Variants in STRN3 observed in about 807,000 individuals in gnomAD.
STRN3 encodes the protein striatin-3.
Under a neutral mutation model 95.6 loss-of-function variants are expected in STRN3, and 29 were observed. The ratio of observed to expected loss-of-function variants is 0.30; its 90% CI spans 0.23 to 0.41. The LOEUF (loss-of-function observed/expected upper bound fraction) is 0.41. Among genes scored for constraint, STRN3 ranks in the 10% least tolerant of loss-of-function variants. The probability of loss-of-function intolerance (pLI) is 1.00; values close to 1 mark genes in which losing one functional copy is unlikely to be tolerated. For synonymous variants in STRN3, 331 were observed against 357.6 expected, an observed-to-expected ratio of 0.93 and a Z score of 0.84; for missense variants, 890 against 972.1, an observed-to-expected ratio of 0.92 and a Z score of 1.12.
chr14:31,018,009 C>T (rs1883322255), intron 1 of STRN3, among the ~76,000 whole-genome samples: 2 of 148,974 alleles, frequency 1.3e-5, no homozygotes, highest in South Asian at 4.2e-4. Context: ...ACCTGGGAGG[C>T]GGAGGTTACA....
At chr14:30,972,549 C>T (rs550943438) in intron 1 of STRN3, among the ~76,000 whole-genome samples, 11 of 151,992 alleles carry the variant, frequency 7.2e-5, no homozygotes, top group South Asian at 2.1e-4. Context: ...TTTTGCGGCA[C>T]GGAAACTTTA....
chr14:30,931,370 A>C (rs1342422483), intron 7 of STRN3, among the ~76,000 whole-genome samples: 3 of 152,188 alleles, frequency 2.0e-5, no homozygotes, highest in East Asian at 3.8e-4. Flanking sequence ...ACGTTGAATC[A>C]TTTACAGTAA....
chr14:30,942,396 A>T (rs577036862), intron 5 of STRN3, among the ~76,000 whole-genome samples: 1 of 152,208 alleles, frequency 6.6e-6, no homozygotes, highest in Non-Finnish European at 1.5e-5. Flanking sequence ...CTCATTCTAA[A>T]GAGACAACAG....
At chr14:31,011,629 C>T (rs550204761) in intron 1 of STRN3, among the ~76,000 whole-genome samples, 130 of 152,072 alleles carry the variant, frequency 8.5e-4, no homozygotes, top group Middle Eastern at 6.8e-3. Flanking sequence ...GGCGACAGAG[C>T]GAGACTGTGT....
chr14:30,974,556 T>C (rs1880991134), intron 1 of STRN3, among the ~76,000 whole-genome samples: 1 of 132,658 alleles, frequency 7.5e-6, no homozygotes, highest in Admixed American at 7.9e-5. Context: ...AACAGAAAAA[T>C]CCATCATAAA....
chr14:30,981,297 G>C lies in STRN3; in HGVS notation c.283-25055C>G, dbSNP rs1881386394. The stretch of plus-strand genomic sequence containing the variant: ...CCACTGCACTCCAGCCTGGGCAACA[G>C]AACAAGACCCCATCTCTCAAAATAA... On this transcript the variant is annotated intron_variant, in intron 1 of 17. Coordinates refer to ENST00000357479, the MANE Select transcript of STRN3 (RefSeq NM_001083893.2). Among the ~76,000 whole-genome samples, 3 of 152,136 alleles carry C rather than the reference G, an allele frequency of 2.0e-5. No homozygotes were observed. The South Asian group carries it at 6.2e-4, about 32-fold the overall frequency.
intron 1 of STRN3, among the ~76,000 whole-genome samples, chr14:30,966,858 C>T (rs770872144): frequency 6.6e-5 from 10 of 152,050 alleles, no homozygotes; most frequent in Admixed American, 2.0e-4. Flanking sequence ...CTAAGAGGGG[C>T]CTAATTCTCC....
intron 1 of STRN3, among the ~76,000 whole-genome samples, chr14:30,976,141 T>C (rs1480942942): frequency 6.6e-6 from 1 of 151,468 alleles, no homozygotes; most frequent in African/African-American, 2.4e-5. Context: ...ATTAAAAAAA[T>C]AAAATGCCAG....
At chr14:30,910,431 A>G (rs1405186479) in intron 13 of STRN3, among the ~76,000 whole-genome samples, 1 of 152,248 alleles carries the variant, frequency 6.6e-6, no homozygotes, top group Non-Finnish European at 1.5e-5. Context: ...TAAAAAGAAC[A>G]AAGAGTTCAT....
intron 1 of STRN3, among the ~76,000 whole-genome samples, chr14:30,983,177 A>G (rs1442765841): frequency 3.9e-5 from 6 of 152,196 alleles, no homozygotes; most frequent in Admixed American, 1.3e-4. Flanking sequence ...GGAAATGACC[A>G]TATGTGTGCA....
At chr14:30,952,165 T>C (rs1453874953) in intron 3 of STRN3, among the ~76,000 whole-genome samples, 1 of 151,730 alleles carries the variant, frequency 6.6e-6, no homozygotes, top group Non-Finnish European at 1.5e-5. Context: ...TTCAGATTAA[T>C]CTCTCAACTA....
chr14:30,991,720 G>C (rs1464577660), intron 1 of STRN3, among the ~76,000 whole-genome samples: 1 of 152,018 alleles, frequency 6.6e-6, no homozygotes, highest in Non-Finnish European at 1.5e-5. Flanking sequence ...AGGGTGAGAG[G>C]AAGAGGGTAG....
intron 8 of STRN3, among the ~76,000 whole-genome samples, chr14:30,922,070 G>A (rs1046393112): frequency 4.0e-5 from 6 of 151,688 alleles, no homozygotes; most frequent in African/African-American, 1.5e-4. Flanking sequence ...AAAAAATTTT[G>A]TAGAGACAGG....
At chr14:30,925,084 AG>A (rs1308691448) in intron 8 of STRN3, among the ~76,000 whole-genome samples, 4 of 152,206 alleles carry the variant, frequency 2.6e-5, no homozygotes, top group Non-Finnish European at 5.9e-5. Context: ...CTTAGTTTCA[AG>A]GTACTGACTC....
intron 1 of STRN3, among the ~76,000 whole-genome samples, chr14:31,007,867 AG>A (rs1320761902): frequency 3.9e-5 from 6 of 152,272 alleles, no homozygotes; most frequent in African/African-American, 1.4e-4. Context: ...ACTCCAGCCT[AG>A]GCAGCAGGGT....
rs74040947 is a variant in STRN3 at position 30,917,705 on chromosome 14, T to C, written c.1240+1261A>G. 4.0e-3 allele frequency among the ~76,000 whole-genome samples: 579 copies of C among 145,626 alleles called. 2 individuals carry two copies. Among genetic ancestry groups the C allele is most frequent in the African/African-American group, 0.013 (544 of 41,112 alleles). On this transcript the variant is annotated intron_variant, in intron 9 of 17. Transcript: ENST00000357479. Reference sequence around the variant, plus strand: ...TTTGTTTTGAATGATTTTGTTACTTTAGTGATTTTTTTTAAGGTGAGTGAA... The same window carrying C: ...TTTGTTTTGAATGATTTTGTTACTTCAGTGATTTTTTTTAAGGTGAGTGAA...
In STRN3 at chr14:31,001,436, T is replaced by G. The variant is rs137969097; in HGVS notation, c.282+24468A>C. 1.3e-5 allele frequency among the ~76,000 whole-genome samples: 2 copies of G among 151,874 alleles called. 1 individual carries two copies. The highest frequency in any genetic ancestry group is 4.8e-5 in the African/African-American group (2 of 41,392). ...CTGCAGTTACAGCTACTCGGGAGGT[T>G]AAAGCGGAAGAATCACTTGAGCCCA... is the stretch of plus-strand genomic sequence containing the variant. On this transcript the variant is annotated intron_variant, in intron 1 of 17. Transcript: ENST00000357479.
intron 7 of STRN3, 42 bp from the exon 8 acceptor site, chr14:30,929,353 G>T (rs1302651997): frequency 2.0e-6 from 3 of 1,488,654 alleles, no homozygotes; most frequent in Non-Finnish European, 2.8e-6. Context: ...ATCAGCAGTT[G>T]GCAATGCAAG....
intron 5 of STRN3, among the ~76,000 whole-genome samples, chr14:30,941,312 C>T (rs773504871): frequency 4.6e-5 from 7 of 152,172 alleles, no homozygotes; most frequent in Non-Finnish European, 8.8e-5. Flanking sequence ...TGACATATCC[C>T]AATTTTCAGT....
Sources: gnomAD v4.1 joint callset for allele counts (sites outside exome capture counted in the v4.1 genomes callset) on GRCh38, gnomAD v4.1.1 for gene constraint, MANE v1.5 for transcripts, NCBI Gene and HGNC (gene_info 2026-07-23, HGNC 2026-07-21) for gene names.